The following ASB4 variants were observed in gnomAD, a reference collection of about 807,000 sequenced individuals.
ASB4 encodes the protein ankyrin repeat and SOCS box containing 4.
In ASB4, 35 loss-of-function variants were observed where a neutral mutation model predicts 38.6. The observed-to-expected ratio is 0.91, with a 90% confidence interval of 0.69 to 1.20. The LOEUF (loss-of-function observed/expected upper bound fraction) is 1.20. Ranked by LOEUF, ASB4 falls within the 50% of genes most tolerant of loss-of-function variation. The probability of loss-of-function intolerance (pLI) is 0.00; values close to 1 mark genes in which losing one functional copy is unlikely to be tolerated. For missense variants in ASB4, 557 were observed against 527.2 expected (o/e 1.06, Z -0.55); for synonymous variants, 195 against 201.3 (o/e 0.97, Z 0.26).
the ASB4 span, among the ~76,000 whole-genome samples, chr7:95,549,314 T>TTTTTTTTTTTTTTTTTTTTTTTTTG: frequency 6.8e-6 from 1 of 147,592 alleles, no homozygotes; most frequent in African/African-American, 2.5e-5. Flanking sequence ...TTTTTTTTTT[T>TTTTTTTTTTTTTTTTTTTTTTTTTG]GAGATGGAGT....
intron 2 of ASB4, among the ~76,000 whole-genome samples, chr7:95,509,598 C>T (rs1349001158): frequency 1.3e-5 from 2 of 152,120 alleles, no homozygotes; most frequent in African/African-American, 4.8e-5. Flanking sequence ...GTCAGTCCTC[C>T]TAGCTAATGA....
chr7:95,543,556 G>A (rs1790997231), downstream of ASB4: 1 of 152,324 alleles, frequency 6.6e-6, no homozygotes. Flanking sequence ...CGGAAGGCAG[G>A]TGGACTTGAT....
At chr7:95,511,799 G>A (rs1230944377) in intron 2 of ASB4, among the ~76,000 whole-genome samples, 1 of 152,218 alleles carries the variant, frequency 6.6e-6, no homozygotes, top group African/African-American at 2.4e-5. Flanking sequence ...AAAACACTGA[G>A]CTTGAGACAA....
intron 1 of ASB4, among the ~76,000 whole-genome samples, chr7:95,488,250 A>G (rs1456377372): frequency 6.6e-6 from 1 of 152,186 alleles, no homozygotes; most frequent in Admixed American, 6.5e-5. Context: ...CTGAGACAGG[A>G]GAATGGTGTG....
intron 2 of ASB4, among the ~76,000 whole-genome samples, chr7:95,510,600 T>A: frequency 6.6e-6 from 1 of 152,228 alleles, no homozygotes; most frequent in East Asian, 1.9e-4. Flanking sequence ...TGGTCTCACC[T>A]ATACGACAAT....
chr7:95,481,577 A>G (rs930945409), upstream of ASB4, among the ~76,000 whole-genome samples: 2 of 152,134 alleles, frequency 1.3e-5, no homozygotes, highest in African/African-American at 4.8e-5. Context: ...TTTCTTCCCT[A>G]TGGTTGCATT....
chr7:95,482,865 G>A (rs904270742), upstream of ASB4, among the ~76,000 whole-genome samples: 9 of 152,112 alleles, frequency 5.9e-5, no homozygotes, highest in African/African-American at 2.2e-4. Flanking sequence ...AACTTTGATG[G>A]GATGGGGGGT....
At chr7:95,481,746 C>A (rs1044382056), upstream of ASB4, among the ~76,000 whole-genome samples, 2 of 152,286 alleles carry the variant, frequency 1.3e-5, no homozygotes, top group Non-Finnish European at 2.9e-5. Flanking sequence ...AGCCATGGGT[C>A]CCCAGAGAGT....
At chr7:95,472,742 C>G in the ASB4 span, among the ~76,000 whole-genome samples, 1 of 152,114 alleles carries the variant, frequency 6.6e-6, no homozygotes, top group Non-Finnish European at 1.5e-5. Context: ...TGATAAAACG[C>G]GGTTAACCTC....
At chr7:95,528,637 A>G (rs1562821517) in intron 3 of ASB4, 11 of 1,247,636 alleles carry the variant, frequency 8.8e-6, no homozygotes, top group Non-Finnish European at 1.0e-5. Context: ...TACATTTGCC[A>G]TCTTTTAAAC....
At chr7:95,502,689 A>G (rs1585802515) in intron 2 of ASB4, among the ~76,000 whole-genome samples, 5 of 152,352 alleles carry the variant, frequency 3.3e-5, no homozygotes, top group Admixed American at 3.3e-4. Flanking sequence ...CTAATTCTGT[A>G]AGAGTTTTCA....
chr7:95,525,604 C>G (rs938566440), intron 2 of ASB4, among the ~76,000 whole-genome samples: 1 of 152,074 alleles, frequency 6.6e-6, no homozygotes, highest in Non-Finnish European at 1.5e-5. Flanking sequence ...GTGGTTTGTT[C>G]CAAGTTGGCC....
At chr7:95,520,549 T>A (rs1790646207) in intron 2 of ASB4, among the ~76,000 whole-genome samples, 1 of 152,170 alleles carries the variant, frequency 6.6e-6, no homozygotes, top group South Asian at 2.1e-4. Flanking sequence ...TCTTTTCCAA[T>A]CCCTACTTCT....
upstream of ASB4, among the ~76,000 whole-genome samples, chr7:95,483,651 T>G (rs1790042323): frequency 2.6e-5 from 4 of 152,190 alleles, 1 homozygote; most frequent in South Asian, 4.1e-4. Flanking sequence ...TTCTAGTGTA[T>G]GGGAAATGGA....
At chr7:95,531,984 G>A (rs1790825244) in intron 3 of ASB4, among the ~76,000 whole-genome samples, 1 of 152,152 alleles carries the variant, frequency 6.6e-6, no homozygotes, top group Non-Finnish European at 1.5e-5. Flanking sequence ...GTTGGCTACT[G>A]GTAGATGGCT....
intron 2 of ASB4, among the ~76,000 whole-genome samples, chr7:95,501,174 G>T (rs921963204): frequency 6.6e-6 from 1 of 152,088 alleles, no homozygotes; most frequent in Non-Finnish European, 1.5e-5. Flanking sequence ...AAATGAAAAT[G>T]AAAGCTGCCC....
intron 1 of ASB4, among the ~76,000 whole-genome samples, chr7:95,480,624 A>G (rs1790014660): frequency 6.6e-6 from 1 of 152,212 alleles, no homozygotes; most frequent in African/African-American, 2.4e-5. Context: ...CACAAACCAC[A>G]TAACCAGCAT....
At position 95,536,492 on chromosome 7, in the gene ASB4, A is replaced by G; in HGVS notation, c.1034A>G (p.Tyr345Cys). The change falls in exon 4 of 5, where the codon TAT (tyrosine) becomes TGT (cysteine). Residue 345 changes from tyrosine to cysteine, a missense_variant. Physicochemically the swap from Tyr to Cys is radical, Grantham distance 194 (BLOSUM62 -2). Coordinates refer to ENST00000325885, the MANE Select transcript of ASB4 (RefSeq NM_016116.3). ...GCAATTGAAGTTGTAGTCAATGCCT[A>G]TGAACACATCAGATGGAACACAAAG... The part of the protein sequence containing the change: ...PKAIEVVVNA[Y>C]EHIRWNTKWR... 2 of 1,613,558 alleles carry G rather than the reference A, an allele frequency of 1.2e-6. No individual in the cohort carries two copies. Among genetic ancestry groups the G allele is most frequent in the Non-Finnish European group, 1.7e-6 (2 of 1,179,512 alleles).
chr7:95,471,192 G>T, the ASB4 span, among the ~76,000 whole-genome samples: 1 of 152,108 alleles, frequency 6.6e-6, no homozygotes, highest in Non-Finnish European at 1.5e-5. Flanking sequence ...ATTATGAACT[G>T]CATTCTACAG....
Sources: allele counts gnomAD v4.1 joint callset (sites outside exome capture counted in the v4.1 genomes callset), GRCh38; gene constraint gnomAD v4.1.1; transcripts MANE v1.5; gene names NCBI Gene and HGNC (gene_info 2026-07-23, HGNC 2026-07-21).